The following MYO10 variants were observed in gnomAD, a reference collection of about 807,000 sequenced individuals.
MYO10 encodes the protein unconventional myosin-X.
In MYO10, 133 loss-of-function variants were observed where a neutral mutation model predicts 257.3. The ratio of observed to expected loss-of-function variants is 0.52; its 90% CI spans 0.45 to 0.60. The LOEUF is 0.60. MYO10 is among the 20% of genes least tolerant of loss of function. The pLI is 0.00. For missense variants in MYO10, 2,399 were observed against 2,635.7 expected, an observed-to-expected ratio of 0.91 and a Z score of 1.97; for synonymous variants, 1,104 against 1,028.6, an observed-to-expected ratio of 1.07 and a Z score of -1.40.
At chr5:16,740,525 G>A (rs1444650293) in intron 19 of MYO10, among the ~76,000 whole-genome samples, 1 of 152,034 alleles carries the variant, frequency 6.6e-6, no homozygotes, top group Non-Finnish European at 1.5e-5. Flanking sequence ...GGTGGAAGCT[G>A]CAATTATGTA....
At chr5:16,684,070 C>G (rs1300235126) in intron 29 of MYO10, 135 bp from the exon 30 acceptor site, 4 of 761,966 alleles carry the variant, frequency 5.2e-6, no homozygotes, top group African/African-American at 1.7e-5. Context: ...TAATAGTTAT[C>G]TATGAGACGA....
At chr5:16,771,891 C>T (rs1221780471) in intron 9 of MYO10, among the ~76,000 whole-genome samples, 18 of 149,214 alleles carry the variant, frequency 1.2e-4, no homozygotes, top group Admixed American at 1.3e-4. Context: ...AGGAACTTAT[C>T]ATTATTATTA....
intron 19 of MYO10, chr5:16,741,837 C>T: frequency 1.0e-6 from 1 of 985,382 alleles, no homozygotes; most frequent in Non-Finnish European, 1.2e-6. Flanking sequence ...AGTTTCTGTC[C>T]ACTGTAAATA....
chr5:16,739,816 G>A (rs1294602453), intron 19 of MYO10, among the ~76,000 whole-genome samples: 1 of 152,034 alleles, frequency 6.6e-6, no homozygotes, highest in Non-Finnish European at 1.5e-5. Flanking sequence ...GTAAAATTAT[G>A]GGTAACTAAT....
chr5:16,728,536 T>C (rs1561213160), intron 19 of MYO10, among the ~76,000 whole-genome samples: 1 of 151,722 alleles, frequency 6.6e-6, no homozygotes, highest in Non-Finnish European at 1.5e-5. Flanking sequence ...AAAAGCTACA[T>C]ATAGTCTCCT....
At chr5:16,853,596 A>T (rs779509956) in intron 2 of MYO10, among the ~76,000 whole-genome samples, 14 of 152,190 alleles carry the variant, frequency 9.2e-5, no homozygotes, top group Non-Finnish European at 2.1e-4. Flanking sequence ...GGTAATACCC[A>T]GGTGTAAAAT....
At chr5:16,783,137 G>GGGGCA (rs1229271686) in intron 5 of MYO10, among the ~76,000 whole-genome samples, 198 bp downstream of exon 5, 5 of 152,214 alleles carry the variant, frequency 3.3e-5, no homozygotes, top group African/African-American at 4.8e-5. Context: ...TGACGATGAA[G>GGGGCA]GGGCAGGAGG....
chr5:16,670,502 C>A, intron 39 of MYO10, 24 bp downstream of exon 39: 1 of 1,574,148 alleles, frequency 6.4e-7, no homozygotes, highest in Non-Finnish European at 8.6e-7. Flanking sequence ...CAGCCCACCC[C>A]AACACACGGC....
At chr5:16,860,851 G>A (rs1744087359) in intron 2 of MYO10, among the ~76,000 whole-genome samples, 1 of 151,948 alleles carries the variant, frequency 6.6e-6, no homozygotes, top group South Asian at 2.1e-4. Flanking sequence ...AAGAAAGGAT[G>A]GCCAAAAAGG....
At chr5:16,882,024 A>G (rs1744767777) in intron 1 of MYO10, among the ~76,000 whole-genome samples, 1 of 152,228 alleles carries the variant, frequency 6.6e-6, no homozygotes, top group African/African-American at 2.4e-5. Flanking sequence ...TAAAACGTGG[A>G]CAAGTTTGCA....
intron 4 of MYO10, among the ~76,000 whole-genome samples, chr5:16,789,964 C>T (rs549847852): frequency 1.8e-4 from 27 of 152,000 alleles, no homozygotes; most frequent in African/African-American, 6.3e-4. Flanking sequence ...TAAGTCTTCT[C>T]GATGAATTTC....
At chr5:16,869,734 G>A (rs7734722) in intron 2 of MYO10, among the ~76,000 whole-genome samples, 101,953 of 150,772 alleles carry the variant, frequency 0.68, 35,084 homozygotes, top group African/African-American at 0.73. Context: ...GCGTGCTGAC[G>A]CATGCCTCTA....
intron 2 of MYO10, among the ~76,000 whole-genome samples, chr5:16,852,747 G>T (rs1743845742): frequency 6.6e-6 from 1 of 151,990 alleles, no homozygotes. Flanking sequence ...GACTAAGCCT[G>T]GTCACACGTA....
chr5:16,755,842 T>C (rs1322996912), intron 18 of MYO10, among the ~76,000 whole-genome samples: 1 of 150,516 alleles, frequency 6.6e-6, no homozygotes, highest in Non-Finnish European at 1.5e-5. Flanking sequence ...CCACACATAC[T>C]ATACCCACCC....
rs61326508 is a variant in MYO10, at chr5:16,777,839, CTTTTTTTTTTTT to C, written c.930+1694_930+1705del. Among the ~76,000 whole-genome samples, 7 of 88,482 alleles carry C rather than the reference CTTTTTTTTTTTT, an allele frequency of 7.9e-5. 1 individual carries two copies. The South Asian group carries it at 2.1e-3, about 27-fold the overall frequency. 58.0% of individuals were successfully genotyped at this position (88,482 alleles called of 152,430 possible). Reference sequence around the variant, plus strand: ...GCCACCCTAGGTGCATTGCATCTAACTTTTTTTTTTTTTTTTTTTTTTTTTTTTGAGACGGAG... The same window carrying C: ...GCCACCCTAGGTGCATTGCATCTAACTTTTTTTTTTTTTTTTGAGACGGAG... On this transcript the variant is annotated intron_variant, in intron 9 of 40. Transcript: ENST00000513610.
At position 16,674,185 on chromosome 5, in the gene MYO10, T is replaced by C. The variant is rs981317220; in HGVS notation, c.4965-296A>G. Among the ~76,000 whole-genome samples, 4 of 152,210 alleles carry C rather than the reference T, an allele frequency of 2.6e-5. No homozygotes were observed. The East Asian group carries it at 7.7e-4, about 29-fold the overall frequency. On this transcript the variant is annotated intron_variant, in intron 35 of 40. Transcript: ENST00000513610. ...CCTCATCCTATCATATGAAAATTCTTGGCCGGGCGCCGTGGCTAACGCCTG... is the reference window on the plus strand; with the variant it reads ...CCTCATCCTATCATATGAAAATTCTCGGCCGGGCGCCGTGGCTAACGCCTG...
intron 3 of MYO10, among the ~76,000 whole-genome samples, chr5:16,817,220 T>C (rs1050354749): frequency 6.6e-6 from 1 of 152,208 alleles, no homozygotes; most frequent in Non-Finnish European, 1.5e-5. Flanking sequence ...TAAAGTATTA[T>C]AATTTTGGCT....
rs27431 is a variant in MYO10, at chr5:16,670,509, C to G, written c.5883+17G>C. 1 of 1,578,470 alleles carries G rather than the reference C, an allele frequency of 6.3e-7. No individual in the cohort carries two copies. Among genetic ancestry groups the G allele is most frequent in the African/African-American group, 1.3e-5 (1 of 74,256 alleles). On this transcript the variant is annotated intron_variant, in intron 39 of 40. Coordinates refer to ENST00000513610, the MANE Select transcript of MYO10 (RefSeq NM_012334.3). The stretch of plus-strand genomic sequence containing the variant: ...CCAGCACCCAGCCCACCCCAACACA[C>G]GGCAGCCAGTTCTCACCTCCACATC...
chr5:16,830,333 T>G (rs1743127128), intron 2 of MYO10, among the ~76,000 whole-genome samples: 1 of 152,146 alleles, frequency 6.6e-6, no homozygotes, highest in South Asian at 2.1e-4. Context: ...CTTTAAATCC[T>G]CAACTACAGT....
Sources: allele counts gnomAD v4.1 joint callset (sites outside exome capture counted in the v4.1 genomes callset), GRCh38; gene constraint gnomAD v4.1.1; transcripts MANE v1.5; gene names NCBI Gene and HGNC (gene_info 2026-07-23, HGNC 2026-07-21).